Variants in SLC22A23 observed in about 807,000 individuals in gnomAD.
SLC22A23 encodes the protein ion transporter protein.
Under a neutral mutation model 61.0 loss-of-function variants are expected in SLC22A23, and 26 were observed. The observed-to-expected ratio is 0.43, with a 90% CI of 0.31 to 0.59. The LOEUF is 0.59. Ranked by LOEUF, SLC22A23 falls within the 20% of genes least tolerant of loss-of-function variation. SLC22A23 has a pLI of 0.11. For missense variants in SLC22A23, 796 were observed against 934.7 expected, an observed-to-expected ratio of 0.85 and a Z score of 1.94; for synonymous variants, 430 against 413.9, an observed-to-expected ratio of 1.04 and a Z score of -0.47.
At chr6:3,293,713 C>A (rs1487134025) in intron 5 of SLC22A23, among the ~76,000 whole-genome samples, 1 of 152,228 alleles carries the variant, frequency 6.6e-6, no homozygotes, top group African/African-American at 2.4e-5. Context: ...TCATCACTTA[C>A]AGGTGGTGTG....
chr6:3,420,461 A>G (rs955823106), intron 1 of SLC22A23, among the ~76,000 whole-genome samples: 1 of 152,164 alleles, frequency 6.6e-6, no homozygotes, highest in African/African-American at 2.4e-5. Flanking sequence ...ATTCTATGAT[A>G]AAATGTAAAA....
chr6:3,344,317 C>T (rs1451041770), intron 3 of SLC22A23, among the ~76,000 whole-genome samples: 1 of 152,160 alleles, frequency 6.6e-6, no homozygotes, highest in Admixed American at 6.5e-5. Context: ...AGTAGTATTT[C>T]ACATATATGG....
In SLC22A23 at chr6:3,412,086, T is replaced by A. The variant is rs962893801; in HGVS notation, c.759-1744A>T. Among the ~76,000 whole-genome samples the A allele has an allele frequency of 3.8e-4, 58 of 152,210 alleles. 1 individual carries two copies. The highest frequency in any genetic ancestry group is 1.4e-3 in the African/African-American group (57 of 41,448). ...CACTAGGGGGGATGATGGGCACAGA[T>A]GCAACGCCTGGCGCAGAGGAAATAA... On this transcript the variant is annotated intron_variant, in intron 2 of 9. Transcript: ENST00000406686.
intron 3 of SLC22A23, among the ~76,000 whole-genome samples, chr6:3,409,327 T>C (rs1769049863): frequency 1.3e-5 from 2 of 152,194 alleles, no homozygotes; most frequent in African/African-American, 4.8e-5. Context: ...ATATTTCTAG[T>C]GGAACAAAAA....
intron 1 of SLC22A23, among the ~76,000 whole-genome samples, chr6:3,429,220 T>A (rs36052964): frequency 0.3 from 46,266 of 152,118 alleles, 8,180 homozygotes; most frequent in East Asian, 0.48. Context: ...TGCACATCAA[T>A]GGATGTTCAC....
At position 3,270,019 on chromosome 6, in the gene SLC22A23, C is replaced by G. The variant is rs1413739304; in HGVS notation, c.*3036G>C. On this transcript the variant is annotated 3_prime_UTR_variant, in exon 10 of 10. Coordinates refer to ENST00000406686, the MANE Select transcript of SLC22A23 (RefSeq NM_015482.2). ...AACATGTAACCTTTTTCCTGTTTCTCTTGGGTGGTAATAATTTTAGGGCAT... is the reference window on the plus strand; with the variant it reads ...AACATGTAACCTTTTTCCTGTTTCTGTTGGGTGGTAATAATTTTAGGGCAT... 1.3e-5 allele frequency: 2 copies of G among 152,594 alleles called. No individual in the cohort carries two copies. The highest frequency in any genetic ancestry group is 2.9e-5 in the Non-Finnish European group (2 of 68,032). 9.5% of individuals were successfully genotyped at this position (152,594 alleles called of 1,614,324 possible).
At chr6:3,310,250 G>GGGAGCACCCTGTCATCCACT (rs1762278016) in intron 4 of SLC22A23, among the ~76,000 whole-genome samples, 1 of 145,886 alleles carries the variant, frequency 6.9e-6, no homozygotes, top group African/African-American at 2.7e-5. Context: ...CTGTCTCCCA[G>GGGAGCACCCTGTCATCCACT]GGAGCACCCT....
At chr6:3,358,038 G>T (rs1305432995) in intron 3 of SLC22A23, among the ~76,000 whole-genome samples, 1 of 152,206 alleles carries the variant, frequency 6.6e-6, no homozygotes, top group African/African-American at 2.4e-5. Context: ...GGCGGCCAGT[G>T]CAGAAGAGGC....
Position 3,318,636 on chromosome 6 carries a change from A to C in SLC22A23, c.1082+5198T>G, listed in dbSNP as rs1435965819. The stretch of plus-strand genomic sequence containing the variant: ...CTTCCTCCTGGGAACTGAGAGTAAT[A>C]AATGATCTTTCAATGGCAATTGTCT... On this transcript the variant is annotated intron_variant, in intron 4 of 9. Coordinates refer to ENST00000406686, the MANE Select transcript of SLC22A23 (RefSeq NM_015482.2). This position sits in a 1 kb window ranked among gnomAD's most constrained non-coding sequence, Gnocchi z 4.3. Among the ~76,000 whole-genome samples, 2 of 152,104 alleles carry C rather than the reference A, an allele frequency of 1.3e-5. No individual in the cohort carries two copies. Among genetic ancestry groups the C allele is most frequent in the African/African-American group, 4.8e-5 (2 of 41,408 alleles).
chr6:3,430,325 G>A (rs532884863), intron 1 of SLC22A23, among the ~76,000 whole-genome samples: 27 of 152,262 alleles, frequency 1.8e-4, no homozygotes, highest in Admixed American at 4.6e-4. Context: ...GACATTGCCC[G>A]CCAAAAGGAA....
rs113076441 is a variant in SLC22A23 at position 3,308,771 on chromosome 6, C to G, written c.1083-10553G>C. Among the ~76,000 whole-genome samples, 2 of 151,900 alleles carry G rather than the reference C, an allele frequency of 1.3e-5. No homozygotes were observed. The highest frequency in any genetic ancestry group is 1.9e-4 in the East Asian group (1 of 5,178). On this transcript the variant is annotated intron_variant, in intron 4 of 9. Transcript: ENST00000406686. This position sits in a 1 kb window ranked among gnomAD's most constrained non-coding sequence, Gnocchi z 5.1. ...CAGCCTGACCAACATGGTGAAACCC[C>G]GTCTCTACTAAAAATACAGAAATTA...
At chr6:3,441,888 C>A (rs537596569) in intron 1 of SLC22A23, among the ~76,000 whole-genome samples, 2 of 152,282 alleles carry the variant, frequency 1.3e-5, no homozygotes, top group Non-Finnish European at 2.9e-5. Flanking sequence ...AGGGACACCA[C>A]GCAAGCAGCT....
At chr6:3,413,214 A>G (rs919367460) in intron 2 of SLC22A23, among the ~76,000 whole-genome samples, 2 of 152,220 alleles carry the variant, frequency 1.3e-5, no homozygotes, top group Non-Finnish European at 2.9e-5. Flanking sequence ...GGCTCTCGAC[A>G]GCAGGGAGTA....
At chr6:3,295,161 C>T (rs937802951) in intron 5 of SLC22A23, among the ~76,000 whole-genome samples, 2 of 152,270 alleles carry the variant, frequency 1.3e-5, no homozygotes, top group Non-Finnish European at 2.9e-5. Context: ...GGCCTTGCCG[C>T]TCTGCAGGGG....
intron 3 of SLC22A23, among the ~76,000 whole-genome samples, chr6:3,350,044 A>G (rs1368096734): frequency 6.6e-6 from 1 of 152,198 alleles, no homozygotes; most frequent in Non-Finnish European, 1.5e-5. Flanking sequence ...GATGAGTAGG[A>G]CCATGGTTGA....
intron 5 of SLC22A23, among the ~76,000 whole-genome samples, chr6:3,293,260 AAG>A (rs1760774426): frequency 6.6e-6 from 1 of 152,200 alleles, no homozygotes; most frequent in African/African-American, 2.4e-5. Flanking sequence ...GAGGAGGAGA[AAG>A]AGAATGAAAG....
At chr6:3,358,457 A>G (rs1765244771) in intron 3 of SLC22A23, among the ~76,000 whole-genome samples, 1 of 152,230 alleles carries the variant, frequency 6.6e-6, no homozygotes, top group Non-Finnish European at 1.5e-5. Context: ...ATGTTAAGTG[A>G]AATAAGCCAG....
Position 3,444,953 on chromosome 6 carries a change from G to A in SLC22A23, c.654+10953C>T, listed in dbSNP as rs113901597. The stretch of plus-strand genomic sequence containing the variant: ...GCTTCTCAGACGACTCATCCCGGTC[G>A]TCCTCACCCCACCAAGGGGAGGAAG... On this transcript the variant is annotated intron_variant, in intron 1 of 9. Coordinates refer to ENST00000406686, the MANE Select transcript of SLC22A23 (RefSeq NM_015482.2). 2.5e-3 allele frequency: 2,451 copies of A among 985,444 alleles called. 66 individuals are homozygous for A. In the African/African-American group the frequency reaches 0.039, roughly 16 times the overall value. 61.0% of individuals were successfully genotyped at this position (985,444 alleles called of 1,614,324 possible). A position where few individuals can be genotyped will look rare whatever the true frequency, so the allele number is the denominator to read the frequency against.
chr6:3,440,074 G>A (rs1216133379), intron 1 of SLC22A23, among the ~76,000 whole-genome samples: 1 of 152,122 alleles, frequency 6.6e-6, no homozygotes, highest in African/African-American at 2.4e-5. Flanking sequence ...CTCAGCTAGG[G>A]TCCAAGGACC....
Sources: allele counts gnomAD v4.1 joint callset (sites outside exome capture counted in the v4.1 genomes callset), GRCh38; gene constraint gnomAD v4.1.1; non-coding constraint Gnocchi (gnomAD v3.1); transcripts MANE v1.5; gene names NCBI Gene and HGNC (gene_info 2026-07-23, HGNC 2026-07-21).